The following CSF3R variants were observed in gnomAD, a reference collection of about 807,000 sequenced individuals.
The protein encoded by CSF3R is colony stimulating factor 3 receptor, also known as granulocyte colony-stimulating factor receptor.
In CSF3R, 52 loss-of-function variants were observed where a neutral mutation model predicts 84.4. The ratio of observed to expected loss-of-function variants is 0.62; its 90% confidence interval spans 0.49 to 0.78. The LOEUF is 0.78. CSF3R is among the 30% of genes least tolerant of loss of function. The probability of loss-of-function intolerance (pLI) is 0.00; values close to 1 mark genes in which losing one functional copy is unlikely to be tolerated. For missense variants in CSF3R, 890 were observed against 1,055.7 expected (o/e 0.84, Z 2.17); for synonymous variants, 384 against 429.1 (o/e 0.89, Z 1.30).
In CSF3R at chr1:36,467,132, TG is replaced by T. The variant is rs1395380820; in HGVS notation, c.2040+97del. ...CAAAGGGACGAGATGTTGCCGGAAG[TG>T]ACAGGAAGGCCTGAGTACTTGGCTT... On this transcript the variant is annotated intron_variant, in intron 16 of 16. Transcript: ENST00000373106. The surrounding 1 kb of genome is among the most constrained non-coding windows in gnomAD (Gnocchi z 4.1). 7.2e-7 allele frequency: 1 copy of T among 1,397,582 alleles called. No individual in the cohort carries two copies. The highest frequency in any genetic ancestry group is 1.4e-5 in the African/African-American group (1 of 70,358). 86.6% of individuals were successfully genotyped at this position (1,397,582 alleles called of 1,614,324 possible).
intron 12 of CSF3R, chr1:36,468,441 C>G (rs1650489037): frequency 2.1e-6 from 1 of 473,430 alleles, no homozygotes; most frequent in Non-Finnish European, 3.7e-6. Flanking sequence ...GACTCTAAAG[C>G]CTCACTTTCT....
Position 36,469,664 on chromosome 1 carries a change from A to G in CSF3R, c.1462T>C (p.Phe488Leu), listed in dbSNP as rs762641978. ...AGGCCAGCCTCACCCTTCAGCAGAA[A>G]CCCCGTGGCTCTCCCATTCTGTTCC... ...RMEQNGRATG[F>L]LLKENIRPFQ... The change falls in exon 11 of 17, where the codon TTT (phenylalanine) becomes CTT (leucine). Residue 488 changes from phenylalanine to leucine, a missense_variant. By Grantham distance (22) the Phe-to-Leu change is conservative. Coordinates refer to ENST00000373106, the MANE Select transcript of CSF3R (RefSeq NM_000760.4). 2 of 1,613,742 alleles carry G rather than the reference A, an allele frequency of 1.2e-6. No homozygotes were observed. Among genetic ancestry groups the G allele is most frequent in the East Asian group, 2.2e-5 (1 of 44,880 alleles).
chr1:36,467,526 A>G lies in CSF3R; in HGVS notation c.1958+32T>C. 1 of 1,598,576 alleles carries G rather than the reference A, an allele frequency of 6.3e-7. No individual in the cohort carries two copies. Among genetic ancestry groups the G allele is most frequent in the South Asian group, 1.1e-5 (1 of 90,568 alleles). ...CCTGAGGTTCCCTGTGGGTGGGGGA[A>G]GCAGGATCTCAGGTCTCTCAAAGGG... On this transcript the variant is annotated intron_variant, in intron 15 of 16. Coordinates refer to ENST00000373106, the MANE Select transcript of CSF3R (RefSeq NM_000760.4). This position sits in a 1 kb window ranked among gnomAD's most constrained non-coding sequence, Gnocchi z 4.1.
chr1:36,469,531 G>T (rs999653811), intron 11 of CSF3R, 121 bp downstream of exon 11: 8 of 1,218,816 alleles, frequency 6.6e-6, no homozygotes, highest in Non-Finnish European at 7.2e-6. Flanking sequence ...AACAACGAAG[G>T]ATCAAGAAAG....
At chr1:36,476,809 T>C (rs1349880421) in intron 3 of CSF3R, among the ~76,000 whole-genome samples, 1 of 151,952 alleles carries the variant, frequency 6.6e-6, no homozygotes, top group Non-Finnish European at 1.5e-5. Flanking sequence ...TACAGGTTCA[T>C]GCCAGCACAC....
chr1:36,475,226 T>A, intron 4 of CSF3R, 151 bp downstream of exon 4: 2 of 942,304 alleles, frequency 2.1e-6, no homozygotes, highest in East Asian at 4.9e-5. Context: ...AGGCTGATCA[T>A]GAACTCCTGA....
intron 6 of CSF3R, 118 bp downstream of exon 6, chr1:36,473,317 G>T: frequency 8.7e-7 from 1 of 1,145,102 alleles, no homozygotes; most frequent in Non-Finnish European, 1.3e-6. Flanking sequence ...CCTCTTCTGT[G>T]CCTCTGTCTC....
chr1:36,470,972 G>A (rs1431531401), intron 10 of CSF3R, among the ~76,000 whole-genome samples: 1 of 152,230 alleles, frequency 6.6e-6, no homozygotes, highest in Non-Finnish European at 1.5e-5. Flanking sequence ...TCTGCTGGAT[G>A]TGTAAACAGA....
intron 10 of CSF3R, among the ~76,000 whole-genome samples, chr1:36,470,516 A>T (rs1261206738): frequency 1.3e-5 from 2 of 152,206 alleles, no homozygotes; most frequent in Non-Finnish European, 2.9e-5. Context: ...TGAGTCCTCT[A>T]ATAGTCATAC....
intron 4 of CSF3R, 38 bp downstream of exon 4, chr1:36,475,339 G>A: frequency 1.2e-6 from 2 of 1,610,928 alleles, no homozygotes; most frequent in South Asian, 1.1e-5. Context: ...GCAGGAGGGT[G>A]TTGGAGGCAG....
rs919838225 is a variant in CSF3R at position 36,482,309 on chromosome 1, G to GC, written c.-81+501_-81+502insG. Reference sequence around the variant, plus strand: ...TACGCCGACCCAGAGAGTGGGCGGGGGGGGGGCACTCGGAGGCCTGGAGCC... The same window carrying GC: ...TACGCCGACCCAGAGAGTGGGCGGGGCGGGGGGCACTCGGAGGCCTGGAGCC... On this transcript the variant is annotated intron_variant, in intron 1 of 16. Coordinates refer to ENST00000373106, the MANE Select transcript of CSF3R (RefSeq NM_000760.4). 1.3e-5 allele frequency among the ~76,000 whole-genome samples: 2 copies of GC among 151,890 alleles called. 1 individual carries two copies. Among genetic ancestry groups the GC allele is most frequent in the African/African-American group, 4.8e-5 (2 of 41,276 alleles).
intron 10 of CSF3R, among the ~76,000 whole-genome samples, chr1:36,471,046 G>GT (rs543120792): frequency 0.017 from 2,605 of 150,286 alleles, 64 homozygotes; most frequent in African/African-American, 0.056. Flanking sequence ...CTCGTTTTTT[G>GT]TTTTTTTTTG....
At position 36,469,176 on chromosome 1, in the gene CSF3R, T is replaced by C; in HGVS notation, c.1556A>G (p.Tyr519Cys). ...CAAACCCATTTCTTGAGAGTAGGCA[T>C]AGACATGCTGGGAGGGTCCCATGGT... Reference protein sequence around the residue: ...QDTMGPSQHVYAYSQEMAPSH... With the variant: ...QDTMGPSQHVCAYSQEMAPSH... The change falls in exon 12 of 17, where the codon TAT (tyrosine) becomes TGT (cysteine). Residue 519 changes from tyrosine (Y) to cysteine (C), a missense_variant. Coordinates refer to ENST00000373106, the MANE Select transcript of CSF3R (RefSeq NM_000760.4). 1 of 1,613,936 alleles carries C rather than the reference T, an allele frequency of 6.2e-7. No homozygotes were observed. The highest frequency in any genetic ancestry group is 8.5e-7 in the Non-Finnish European group (1 of 1,179,864).
Position 36,472,659 on chromosome 1 carries a change from G to T in CSF3R, c.701C>A (p.Thr234Asn), listed in dbSNP as rs1384680424. 1 of 1,607,018 alleles carries T rather than the reference G, an allele frequency of 6.2e-7. No homozygotes were observed. Among genetic ancestry groups the T allele is most frequent in the Admixed American group, 1.7e-5 (1 of 59,680 alleles). The change falls in exon 7 of 17, where the codon ACC becomes AAC. Residue 234 changes from threonine to asparagine, a missense_variant. Coordinates refer to ENST00000373106, the MANE Select transcript of CSF3R (RefSeq NM_000760.4). The surrounding 1 kb of genome is among the most constrained non-coding windows in gnomAD (Gnocchi z 5.0). ...GGCCGCTTCAGGGCTGGGGTCCATG[G>T]TCCGCAGCATGGGGGGCTCCAGTTT... ...VVKLEPPMLR[T>N]MDPSPEAAPP... is the part of the protein sequence containing the mutation.
intron 9 of CSF3R, 66 bp downstream of exon 9, chr1:36,471,999 GT>G (rs1290265811): frequency 6.6e-7 from 1 of 1,522,422 alleles, no homozygotes; most frequent in African/African-American, 1.4e-5. Context: ...CTAAGCCCCG[GT>G]TTGTAGGGAT....
chr1:36,472,185 G>A lies in CSF3R; in HGVS notation c.998-46C>T, dbSNP rs749798327. ...GGGGGTGCCAGTTGGGGAGGGGCCT[G>A]GGGCCTGGACTGGATACTGTTGGCT... On this transcript the variant is annotated intron_variant, in intron 8 of 16. Transcript: ENST00000373106. This position sits in a 1 kb window ranked among gnomAD's most constrained non-coding sequence, Gnocchi z 5.0. 3.7e-6 allele frequency: 6 copies of A among 1,613,858 alleles called. No individual in the cohort carries two copies. Among genetic ancestry groups the A allele is most frequent in the Non-Finnish European group, 4.2e-6 (5 of 1,179,828 alleles).
chr1:36,473,435 C>T lies in CSF3R; in HGVS notation c.673G>A (p.Val225Met). ...PQLCLDPMDVVKLEPPMLRTM... is the reference protein window; with the variant it reads ...PQLCLDPMDVMKLEPPMLRTM... ...CCCCTCCCTCCCCTGCATCACCCACCAACATCCATGGGATCAAGACACAGT... is the reference window on the plus strand; with the variant it reads ...CCCCTCCCTCCCCTGCATCACCCACTAACATCCATGGGATCAAGACACAGT... Residue 225 changes from valine (V) to methionine (M), a missense_variant and splice_region_variant, in exon 6 of 17, where the codon GTG (valine) becomes ATG (methionine). Val to Met is a conservative substitution (Grantham distance 21). Coordinates refer to ENST00000373106, the MANE Select transcript of CSF3R (RefSeq NM_000760.4). The T allele has an allele frequency of 6.2e-7, 1 of 1,613,704 alleles. No homozygotes were observed. The highest frequency in any genetic ancestry group is 8.5e-7 in the Non-Finnish European group (1 of 1,179,908).
chr1:36,467,358 C>T lies in CSF3R; in HGVS notation c.1959-47G>A, dbSNP rs1650392583. Reference sequence around the variant, plus strand: ...GGCTGAGTCAGACACACCCTCCGATCTTTCCATTTTTTGTCCCACCCACCC... The same window carrying T: ...GGCTGAGTCAGACACACCCTCCGATTTTTCCATTTTTTGTCCCACCCACCC... On this transcript the variant is annotated intron_variant, in intron 15 of 16. Transcript: ENST00000373106. The surrounding 1 kb of genome is among the most constrained non-coding windows in gnomAD (Gnocchi z 4.1). 3 of 1,596,470 alleles carry T rather than the reference C, an allele frequency of 1.9e-6. No homozygotes were observed. Among genetic ancestry groups the T allele is most frequent in the Non-Finnish European group, 2.6e-6 (3 of 1,164,366 alleles).
intron 1 of CSF3R, among the ~76,000 whole-genome samples, chr1:36,482,431 G>C (rs1651588189): frequency 6.6e-6 from 1 of 152,110 alleles, no homozygotes; most frequent in Non-Finnish European, 1.5e-5. Context: ...GAGAGAAGCT[G>C]AGGAGGAAAG....
Sources: gnomAD v4.1 joint callset for allele counts (sites outside exome capture counted in the v4.1 genomes callset) on GRCh38, gnomAD v4.1.1 for gene constraint, Gnocchi (gnomAD v3.1) non-coding constraint, MANE v1.5 for transcripts, NCBI Gene and HGNC (gene_info 2026-07-23, HGNC 2026-07-21) for gene names.